Variants in ATP9A observed in about 807,000 individuals in gnomAD.
ATP9A encodes the protein ATPase phospholipid transporting 9A, also known as probable phospholipid-transporting ATPase IIA.
In ATP9A, 52 loss-of-function variants were observed where a neutral mutation model predicts 144.1. That is an observed-to-expected ratio of 0.36 (90% confidence interval 0.29 to 0.45). The LOEUF is 0.45. ATP9A is among the 20% of genes least tolerant of loss of function. ATP9A has a pLI of 1.00. For missense variants in ATP9A, 947 were observed against 1,392.7 expected (o/e 0.68, Z 5.09); for synonymous variants, 582 against 557.4 (o/e 1.04, Z -0.62).
intron 1 of ATP9A, among the ~76,000 whole-genome samples, chr20:51,736,269 A>G (rs952730779): frequency 6.6e-6 from 1 of 152,200 alleles, no homozygotes; most frequent in Admixed American, 6.5e-5. Flanking sequence ...CGGACAACAC[A>G]GGGCTTTGTC....
chr20:51,691,388 G>A (rs1352822277), intron 7 of ATP9A, among the ~76,000 whole-genome samples: 1 of 152,224 alleles, frequency 6.6e-6, no homozygotes, highest in African/African-American at 2.4e-5. Flanking sequence ...AGAATCGCTT[G>A]AACCCAGGAG....
At chr20:51,721,832 A>G (rs1191400063) in intron 3 of ATP9A, among the ~76,000 whole-genome samples, 1 of 151,754 alleles carries the variant, frequency 6.6e-6, no homozygotes, top group African/African-American at 2.4e-5. Context: ...GAAAAAAGAA[A>G]AAACAATTCT....
chr20:51,652,584 T>C (rs1397500871), intron 14 of ATP9A, among the ~76,000 whole-genome samples: 1 of 152,202 alleles, frequency 6.6e-6, no homozygotes, highest in African/African-American at 2.4e-5. Context: ...TCACCTTAAC[T>C]AGATTTAGCC....
At chr20:51,623,018 G>A (rs994314420) in intron 18 of ATP9A, among the ~76,000 whole-genome samples, 9 of 152,126 alleles carry the variant, frequency 5.9e-5, no homozygotes, top group African/African-American at 1.9e-4. Context: ...AAATGGAAGC[G>A]CTAAGAGCTT....
At position 51,752,544 on chromosome 20, in the gene ATP9A, C is replaced by G. The variant is rs143856717; in HGVS notation, c.68+15758G>C. Among the ~76,000 whole-genome samples, 860 of 152,274 alleles carry G rather than the reference C, an allele frequency of 5.6e-3. 3 individuals carry two copies. Among genetic ancestry groups the G allele is most frequent in the African/African-American group, 0.02 (823 of 41,558 alleles). On this transcript the variant is annotated intron_variant, in intron 1 of 27. Transcript: ENST00000338821. ...TATTTTTAGTCTTCATGCTATAAAC[C>G]TCTGTTAACTTTTCTGTGAGTGTGT...
chr20:51,671,191 G>A lies in ATP9A; in HGVS notation c.1104C>T (p.Ile368=), dbSNP rs372994434. The A allele has an allele frequency of 3.1e-6, 5 of 1,613,996 alleles. No individual in the cohort carries two copies. Among genetic ancestry groups the A allele is most frequent in the East Asian group, 4.5e-5 (2 of 44,884 alleles). The change falls in exon 12 of 28, where the codon ATC becomes ATT. Residue 368 remains isoleucine (I), a synonymous_variant. Transcript: ENST00000338821. ...YSWVIRRDSK[I]PGTVVRSSTI... ...TGCTGGAGCGAACCACGGTCCCGGG[G>A]ATTTTCGAGTCCCTTCGAATCACCC...
Position 51,730,822 on chromosome 20 carries a change from T to C in ATP9A, c.69-844A>G, listed in dbSNP as rs185082580. Among the ~76,000 whole-genome samples the C allele has an allele frequency of 1.3e-3, 194 of 152,262 alleles. 1 individual carries two copies. The highest frequency in any genetic ancestry group is 3.9e-3 in the African/African-American group (164 of 41,532). ...AATCTAATGGGGCCACTGTTATATA[T>C]GTGGTCTGTGGTTGGTTGATATGTC... is the stretch of plus-strand genomic sequence containing the variant. On this transcript the variant is annotated intron_variant, in intron 1 of 27. Transcript: ENST00000338821.
At chr20:51,604,698 TGC>T in intron 27 of ATP9A, 117 bp downstream of exon 27, 1 of 889,684 alleles carries the variant, frequency 1.1e-6, no homozygotes. Flanking sequence ...CGGGAAGGAC[TGC>T]TGGAGGAAGA....
At chr20:51,656,808 T>G (rs934066728) in intron 14 of ATP9A, 130 bp downstream of exon 14, 3 of 781,124 alleles carry the variant, frequency 3.8e-6, no homozygotes, top group Non-Finnish European at 6.1e-6. Context: ...GAAAATGTGT[T>G]TCCCAGCAGC....
chr20:51,701,212 G>A (rs1251603301), intron 4 of ATP9A, among the ~76,000 whole-genome samples: 1 of 152,166 alleles, frequency 6.6e-6, no homozygotes, highest in East Asian at 1.9e-4. Flanking sequence ...ACTCATAGAA[G>A]AGCATGTGTT....
At chr20:51,605,312 A>T (rs1019853897) in intron 26 of ATP9A, among the ~76,000 whole-genome samples, 3 of 152,238 alleles carry the variant, frequency 2.0e-5, no homozygotes, top group African/African-American at 4.8e-5. Flanking sequence ...AAAGTTAAAT[A>T]TAATATTTAA....
chr20:51,634,633 A>T (rs1280921780), intron 15 of ATP9A, among the ~76,000 whole-genome samples: 1 of 152,030 alleles, frequency 6.6e-6, no homozygotes, highest in Admixed American at 6.6e-5. Context: ...AGGTGGGTGG[A>T]TCACCTGAGG....
rs576351508 is a variant in ATP9A at position 51,598,093 on chromosome 20, C to G, written c.*3118G>C. 2.0e-5 allele frequency: 3 copies of G among 151,108 alleles called. No individual in the cohort carries two copies. The highest frequency in any genetic ancestry group is 7.3e-5 in the African/African-American group (3 of 41,048). The allele number at this position is 151,108 out of a possible 1,614,324, so 9.4% of individuals were successfully genotyped here. A position where few individuals can be genotyped will look rare whatever the true frequency, so the allele number is the denominator to read the frequency against. ...ACCACAGGCAACACACATGTGCACA[C>G]GCATGCTTTCAAAATGAGGATCAAA... On this transcript the variant is annotated 3_prime_UTR_variant, in exon 28 of 28. Coordinates refer to ENST00000338821, the MANE Select transcript of ATP9A (RefSeq NM_006045.3).
At position 51,720,364 on chromosome 20, in the gene ATP9A, TAAAATGAAGTTAGAGTATTTCACATAAA is replaced by T. The variant is rs1365476793; in HGVS notation, c.327+5427_327+5454del. Among the ~76,000 whole-genome samples the T allele has an allele frequency of 2.0e-5, 3 of 152,190 alleles. No homozygotes were observed. In the East Asian group the frequency reaches 5.8e-4, roughly 29 times the overall value. Reference sequence around the variant, plus strand: ...GTAAACAGTTATGGAACTAAAAAACTAAAATGAAGTTAGAGTATTTCACATAAAACTATAGAGTTTGTAACTCTTGGGT... The same window carrying T: ...GTAAACAGTTATGGAACTAAAAAACTACTATAGAGTTTGTAACTCTTGGGT... On this transcript the variant is annotated intron_variant, in intron 3 of 27. Coordinates refer to ENST00000338821, the MANE Select transcript of ATP9A (RefSeq NM_006045.3).
At chr20:51,605,774 G>A (rs1393710631) in intron 26 of ATP9A, among the ~76,000 whole-genome samples, 4 of 151,386 alleles carry the variant, frequency 2.6e-5, no homozygotes, top group African/African-American at 9.7e-5. Context: ...TTAGCTGGAC[G>A]TGGAAGCGCA....
Position 51,735,669 on chromosome 20 carries a change from G to T in ATP9A, c.69-5691C>A, listed in dbSNP as rs2077760017. Among the ~76,000 whole-genome samples the T allele has an allele frequency of 2.0e-5, 3 of 152,202 alleles. No individual in the cohort carries two copies. In the South Asian group the frequency reaches 6.2e-4, roughly 32 times the overall value. On this transcript the variant is annotated intron_variant, in intron 1 of 27. Transcript: ENST00000338821. Reference sequence around the variant, plus strand: ...GAACTTTGTGTTACCTGAGCCAAAAGCCCATCTCATTTAACCAATTTGATT... The same window carrying T: ...GAACTTTGTGTTACCTGAGCCAAAATCCCATCTCATTTAACCAATTTGATT...
At chr20:51,679,785 C>T (rs1199216380) in intron 9 of ATP9A, among the ~76,000 whole-genome samples, 1 of 152,176 alleles carries the variant, frequency 6.6e-6, no homozygotes, top group Non-Finnish European at 1.5e-5. Flanking sequence ...TATTCTGTGA[C>T]CCCTTTGTTC....
At chr20:51,741,407 A>G (rs113434731) in intron 1 of ATP9A, among the ~76,000 whole-genome samples, 2 of 152,208 alleles carry the variant, frequency 1.3e-5, no homozygotes, top group South Asian at 2.1e-4. Flanking sequence ...GAGAAACCCC[A>G]TCTCTACTAA....
intron 13 of ATP9A, among the ~76,000 whole-genome samples, chr20:51,659,166 C>T (rs2077401218): frequency 6.6e-6 from 1 of 152,178 alleles, no homozygotes; most frequent in Admixed American, 6.5e-5. Flanking sequence ...AACTTTACCT[C>T]CTCAAAGAGG....
Sources: allele counts gnomAD v4.1 joint callset (sites outside exome capture counted in the v4.1 genomes callset), GRCh38; gene constraint gnomAD v4.1.1; transcripts MANE v1.5; gene names NCBI Gene and HGNC (gene_info 2026-07-23, HGNC 2026-07-21).